Variants in SLC41A2 observed in about 807,000 individuals in gnomAD.
SLC41A2 encodes SLC41A1-like 1.
SLC41A2 carries 32 observed loss-of-function variants against 58.3 expected under a neutral mutation model. That is an observed-to-expected ratio of 0.55 (90% CI 0.41 to 0.74). SLC41A2 has a LOEUF of 0.74. Among genes scored for constraint, SLC41A2 ranks in the 30% least tolerant of loss-of-function variants. The pLI is 0.00. For synonymous variants in SLC41A2, 190 were observed against 235.0 expected (o/e 0.81, Z 1.75); for missense variants, 514 against 680.6 (o/e 0.76, Z 2.72).
chr12:104,938,958 T>C (rs1289677505), intron 1 of SLC41A2, among the ~76,000 whole-genome samples: 2 of 152,208 alleles, frequency 1.3e-5, no homozygotes, highest in Non-Finnish European at 2.9e-5. Flanking sequence ...CCCAAAATTT[T>C]ACAAAGTTAA....
Position 104,853,911 on chromosome 12 carries a change from ATTT to A in SLC41A2, c.1255+7377_1255+7379del, listed in dbSNP as rs1555202443. Among the ~76,000 whole-genome samples the A allele has an allele frequency of 7.9e-4, 47 of 59,488 alleles. 1 individual carries two copies. The highest frequency in any genetic ancestry group is 2.0e-3 in the African/African-American group (29 of 14,468). The allele number at this position is 59,488 out of a possible 152,430, so 39.0% of individuals were successfully genotyped here. A position where few individuals can be genotyped will look rare whatever the true frequency, so the allele number is the denominator to read the frequency against. ...GGGTGCATGTCACCATGCCTGGCTG[ATTT>A]TTTTTTTTTTTTTTTTTTTTTTTTT... On this transcript the variant is annotated intron_variant, in intron 8 of 10. Coordinates refer to ENST00000258538, the MANE Select transcript of SLC41A2 (RefSeq NM_001352171.3).
chr12:104,818,497 T>G (rs183943549), intron 10 of SLC41A2, among the ~76,000 whole-genome samples: 12 of 152,116 alleles, frequency 7.9e-5, no homozygotes, highest in African/African-American at 2.7e-4. Context: ...AATATGAAAA[T>G]AGATGCCATA....
chr12:104,895,630 G>A (rs2045240473), intron 3 of SLC41A2, among the ~76,000 whole-genome samples: 1 of 152,082 alleles, frequency 6.6e-6, no homozygotes. Context: ...CTTACAACTA[G>A]CATCATCAGA....
intron 8 of SLC41A2, among the ~76,000 whole-genome samples, chr12:104,855,599 AC>A (rs2042991133): frequency 6.6e-6 from 1 of 152,178 alleles, no homozygotes; most frequent in South Asian, 2.1e-4. Flanking sequence ...GTAAGACTGT[AC>A]TTTCATTTAT....
intron 3 of SLC41A2, among the ~76,000 whole-genome samples, chr12:104,905,043 T>C (rs1681233448): frequency 6.6e-6 from 1 of 152,022 alleles, no homozygotes; most frequent in African/African-American, 2.4e-5. Context: ...AGGGCACTGA[T>C]TGGTGCGTTT....
intron 7 of SLC41A2, among the ~76,000 whole-genome samples, chr12:104,866,008 GAT>G (rs2043425407): frequency 6.6e-6 from 1 of 152,090 alleles, no homozygotes; most frequent in East Asian, 1.9e-4. Flanking sequence ...CAGAGTCCTA[GAT>G]ATGGAAGTAG....
intron 8 of SLC41A2, among the ~76,000 whole-genome samples, chr12:104,853,926 T>TTTTTTTA (rs2042917507): frequency 8.4e-5 from 10 of 118,848 alleles, no homozygotes; most frequent in African/African-American, 3.1e-4. Context: ...TTTTTTTTTT[T>TTTTTTTA]TTTTTTTTTT....
intron 6 of SLC41A2, among the ~76,000 whole-genome samples, chr12:104,878,889 CT>C (rs2044204410): frequency 6.6e-6 from 1 of 152,214 alleles, no homozygotes; most frequent in Non-Finnish European, 1.5e-5. Context: ...AATCGCCACA[CT>C]GTCTTCCACA....
chr12:104,914,268 AG>A (rs147539341), intron 2 of SLC41A2, among the ~76,000 whole-genome samples: 2,161 of 152,286 alleles, frequency 0.014, 62 homozygotes, highest in African/African-American at 0.049. Context: ...AACCATTTGA[AG>A]AACTTATACA....
At chr12:104,807,256 AG>A (rs2040955408) in intron 10 of SLC41A2, among the ~76,000 whole-genome samples, 1 of 152,222 alleles carries the variant, frequency 6.6e-6, no homozygotes, top group Non-Finnish European at 1.5e-5. Flanking sequence ...GGTGTAAGGA[AG>A]GGATCCAGTT....
rs80206738 is a variant in SLC41A2, at chr12:104,884,696, A to C, written c.1027+1597T>G. Reference sequence around the variant, plus strand: ...CTTATCTAATTAGTAATACTAGGGAAAGGGGCACTAACTCATGCCTAACTC... The same window carrying C: ...CTTATCTAATTAGTAATACTAGGGACAGGGGCACTAACTCATGCCTAACTC... On this transcript the variant is annotated intron_variant, in intron 6 of 10. Transcript: ENST00000258538. 8.8e-3 allele frequency among the ~76,000 whole-genome samples: 1,337 copies of C among 152,322 alleles called. 41 individuals carry two copies. The East Asian group carries it at 0.12, about 14-fold the overall frequency.
chr12:104,842,925 T>C (rs2042466855), intron 10 of SLC41A2, among the ~76,000 whole-genome samples: 1 of 152,072 alleles, frequency 6.6e-6, no homozygotes, highest in Admixed American at 6.5e-5. Flanking sequence ...ATGGCTTGTT[T>C]ATCAGCAAAC....
chr12:104,919,847 C>A (rs1593143176), intron 2 of SLC41A2, among the ~76,000 whole-genome samples: 1 of 152,068 alleles, frequency 6.6e-6, no homozygotes, highest in Non-Finnish European at 1.5e-5. Context: ...ATTAATTTTT[C>A]TTTTTATGGA....
chr12:104,950,049 A>G (rs1029626659), intron 1 of SLC41A2, among the ~76,000 whole-genome samples: 2 of 152,206 alleles, frequency 1.3e-5, no homozygotes, highest in Admixed American at 1.3e-4. Context: ...AAGCAGCAAA[A>G]TGAGAAACTT....
At chr12:104,934,160 T>C (rs530971137) in intron 1 of SLC41A2, among the ~76,000 whole-genome samples, 1 of 152,110 alleles carries the variant, frequency 6.6e-6, no homozygotes, top group East Asian at 1.9e-4. Context: ...ATATTTGTTA[T>C]CCATCAATCC....
intron 3 of SLC41A2, among the ~76,000 whole-genome samples, chr12:104,908,416 G>A (rs575276192): frequency 6.6e-5 from 10 of 152,314 alleles, no homozygotes; most frequent in African/African-American, 2.4e-4. Context: ...AGAGGGTGGA[G>A]AGTCCTCCCA....
chr12:104,852,899 G>A (rs1462676435), intron 8 of SLC41A2, among the ~76,000 whole-genome samples: 1 of 152,092 alleles, frequency 6.6e-6, no homozygotes, highest in Non-Finnish European at 1.5e-5. Flanking sequence ...CTAAAAGCTA[G>A]TCTGTCAACA....
At chr12:104,926,610 G>T (rs1593156836) in intron 2 of SLC41A2, among the ~76,000 whole-genome samples, 1 of 150,166 alleles carries the variant, frequency 6.7e-6, no homozygotes, top group Admixed American at 6.6e-5. Flanking sequence ...AAAAAAAAGA[G>T]AATACCTACA....
intron 1 of SLC41A2, among the ~76,000 whole-genome samples, chr12:104,953,907 G>T (rs935558235): frequency 6.6e-6 from 1 of 152,108 alleles, no homozygotes; most frequent in Non-Finnish European, 1.5e-5. Context: ...GCAGCAAGGT[G>T]GGGCAAAAGG....
Sources: allele counts gnomAD v4.1 joint callset (sites outside exome capture counted in the v4.1 genomes callset), GRCh38; gene constraint gnomAD v4.1.1; transcripts MANE v1.5; gene names NCBI Gene and HGNC (gene_info 2026-07-23, HGNC 2026-07-21).